Variants in NCKAP5 observed in about 807,000 individuals in gnomAD.
NCKAP5 encodes NCK associated protein 5.
Under a neutral mutation model 167.0 loss-of-function variants are expected in NCKAP5, and 92 were observed. That is an observed-to-expected ratio of 0.55 (90% CI 0.47 to 0.66). The LOEUF (loss-of-function observed/expected upper bound fraction) is 0.66. Among genes scored for constraint, NCKAP5 ranks in the 30% least tolerant of loss-of-function variants. The probability of loss-of-function intolerance (pLI) is 0.00; values close to 1 mark genes in which losing one functional copy is unlikely to be tolerated. For synonymous variants in NCKAP5, 891 were observed against 877.4 expected, an observed-to-expected ratio of 1.02 and a Z score of -0.27; for missense variants, 2,378 against 2,315.0, an observed-to-expected ratio of 1.03 and a Z score of -0.56.
the NCKAP5 span, among the ~76,000 whole-genome samples, chr2:133,587,964 A>C: frequency 0.028 from 4,243 of 152,294 alleles, 70 homozygotes; most frequent in African/African-American, 0.043. Context: ...TCAGAGGTTT[A>C]ATCAGTTTAA....
At chr2:133,315,351 A>T (rs1422805899) in intron 3 of NCKAP5, among the ~76,000 whole-genome samples, 1 of 152,166 alleles carries the variant, frequency 6.6e-6, no homozygotes, top group Non-Finnish European at 1.5e-5. Context: ...ATAAAATAAA[A>T]ATCGAAGATA....
chr2:133,264,363 C>G (rs1207968416), intron 4 of NCKAP5, among the ~76,000 whole-genome samples: 1 of 152,174 alleles, frequency 6.6e-6, no homozygotes, highest in Non-Finnish European at 1.5e-5. Flanking sequence ...CTTTGAAAGC[C>G]TTTTGTAAAC....
At chr2:133,547,069 G>A (rs1449668723) in intron 2 of NCKAP5, among the ~76,000 whole-genome samples, 1 of 152,236 alleles carries the variant, frequency 6.6e-6, no homozygotes, top group Non-Finnish European at 1.5e-5. Flanking sequence ...CACTTGGGAA[G>A]TGCAAGGGGT....
chr2:132,922,394 T>G (rs138131617), intron 8 of NCKAP5, among the ~76,000 whole-genome samples: 1 of 152,060 alleles, frequency 6.6e-6, no homozygotes, highest in African/African-American at 2.4e-5. Context: ...TCTGCCAGAG[T>G]CAATGTCATA....
At chr2:133,141,035 C>G (rs972965666) in intron 5 of NCKAP5, among the ~76,000 whole-genome samples, 1 of 152,016 alleles carries the variant, frequency 6.6e-6, no homozygotes, top group Admixed American at 6.6e-5. Flanking sequence ...CTTGACCCCC[C>G]ACGACCTTAG....
intron 5 of NCKAP5, among the ~76,000 whole-genome samples, chr2:133,153,671 C>G (rs970268060): frequency 2.6e-5 from 4 of 151,954 alleles, no homozygotes; most frequent in Non-Finnish European, 5.9e-5. Context: ...TTTAAACACT[C>G]TCTCCTGTGT....
intron 10 of NCKAP5, among the ~76,000 whole-genome samples, chr2:132,864,966 C>T (rs1003671723): frequency 2.0e-5 from 3 of 152,168 alleles, no homozygotes; most frequent in African/African-American, 4.8e-5. Flanking sequence ...GTTCAAAACA[C>T]TGTATCTCTC....
the NCKAP5 span, among the ~76,000 whole-genome samples, chr2:133,644,679 T>A: frequency 6.6e-6 from 1 of 152,206 alleles, no homozygotes; most frequent in Non-Finnish European, 1.5e-5. Flanking sequence ...ATTTAAGTTT[T>A]TATGGATGCA....
the NCKAP5 span, among the ~76,000 whole-genome samples, chr2:133,617,087 T>G: frequency 6.6e-6 from 1 of 152,314 alleles, no homozygotes; most frequent in South Asian, 2.1e-4. Context: ...AAAAAGCCTT[T>G]GACAAAATTC....
chr2:132,881,338 C>G (rs1558894759), intron 8 of NCKAP5, among the ~76,000 whole-genome samples: 1 of 151,904 alleles, frequency 6.6e-6, no homozygotes, highest in African/African-American at 2.4e-5. Context: ...CCACACCTGG[C>G]TAATTTTTGT....
intron 8 of NCKAP5, among the ~76,000 whole-genome samples, chr2:132,907,153 A>C (rs1290923811): frequency 6.6e-6 from 1 of 152,226 alleles, no homozygotes; most frequent in Non-Finnish European, 1.5e-5. Context: ...GAATAGTGAC[A>C]AAATATTTAG....
intron 3 of NCKAP5, among the ~76,000 whole-genome samples, chr2:133,484,280 A>G (rs1680712470): frequency 6.6e-6 from 1 of 152,124 alleles, no homozygotes; most frequent in Non-Finnish European, 1.5e-5. Flanking sequence ...AGCAGAAACC[A>G]TCTGGTCCAG....
intron 6 of NCKAP5, among the ~76,000 whole-genome samples, chr2:132,997,215 G>A (rs1426404042): frequency 6.6e-6 from 1 of 152,086 alleles, no homozygotes; most frequent in Non-Finnish European, 1.5e-5. Context: ...CAGACAACTG[G>A]GACAGGCCAG....
chr2:133,150,684 T>C (rs1325492400), intron 5 of NCKAP5, among the ~76,000 whole-genome samples: 2 of 152,202 alleles, frequency 1.3e-5, no homozygotes, highest in Non-Finnish European at 2.9e-5. Flanking sequence ...TGGAAAACCA[T>C]CTGGGAGTAT....
the NCKAP5 span, among the ~76,000 whole-genome samples, chr2:133,604,270 A>G: frequency 8.0e-4 from 121 of 152,178 alleles, 1 homozygote; most frequent in African/African-American, 2.7e-3. Context: ...CAGTGGCACA[A>G]TCTTGGCTCA....
At chr2:133,581,769 C>T in the NCKAP5 span, among the ~76,000 whole-genome samples, 1 of 152,204 alleles carries the variant, frequency 6.6e-6, no homozygotes, top group African/African-American at 2.4e-5. Flanking sequence ...TAAGAACCTC[C>T]ATCTGTCTGA....
chr2:132,935,894 G>A (rs1696806251), intron 8 of NCKAP5, among the ~76,000 whole-genome samples: 1 of 152,164 alleles, frequency 6.6e-6, no homozygotes, highest in African/African-American at 2.4e-5. Context: ...GTTTAAGTCT[G>A]GGGACATCTG....
At chr2:133,083,801 C>A (rs1468173049) in intron 6 of NCKAP5, among the ~76,000 whole-genome samples, 6 of 152,138 alleles carry the variant, frequency 3.9e-5, no homozygotes. Context: ...CTAAGGTGAT[C>A]CCACTATGTG....
chr2:132,961,011 TG>T (rs1182965382), intron 8 of NCKAP5, among the ~76,000 whole-genome samples: 1 of 152,206 alleles, frequency 6.6e-6, no homozygotes, highest in Non-Finnish European at 1.5e-5. Context: ...AAAAATTCTT[TG>T]TTTTTTTAAA....
Sources: gnomAD v4.1 joint callset for allele counts (sites outside exome capture counted in the v4.1 genomes callset) on GRCh38, gnomAD v4.1.1 for gene constraint, MANE v1.5 for transcripts, NCBI Gene and HGNC (gene_info 2026-07-23, HGNC 2026-07-21) for gene names.